Variants in CSMD3 observed in about 807,000 individuals in gnomAD.
CSMD3 encodes CUB and Sushi multiple domains 3.
A neutral mutation model predicts 435.2 loss-of-function variants in CSMD3; 177 were observed. The observed-to-expected ratio is 0.41, with a 90% CI of 0.36 to 0.46. The LOEUF is 0.46. Ranked by LOEUF, CSMD3 falls within the 20% of genes least tolerant of loss-of-function variation. The pLI is 0.34. For synonymous variants in CSMD3, 1,656 were observed against 1,520.5 expected, an observed-to-expected ratio of 1.09 and a Z score of -2.07; for missense variants, 4,265 against 4,504.6, an observed-to-expected ratio of 0.95 and a Z score of 1.52.
At chr8:112,642,453 C>A (rs528917324) in intron 20 of CSMD3, among the ~76,000 whole-genome samples, 2 of 152,040 alleles carry the variant, frequency 1.3e-5, no homozygotes, top group Non-Finnish European at 2.9e-5. Context: ...TGTTCAAACA[C>A]CTTGACTTAA....
rs10098653 is a variant in CSMD3 at position 112,412,213 on chromosome 8, T to A, written c.5396-3181A>T. Among the ~76,000 whole-genome samples, 717 of 152,124 alleles carry A rather than the reference T, an allele frequency of 4.7e-3. 6 individuals carry two copies. The highest frequency in any genetic ancestry group is 0.017 in the African/African-American group (697 of 41,516). ...AATATCCTTTATATTTATATGAGAG[T>A]CATAATTATGCTCTTTTTAAAAATT... On this transcript the variant is annotated intron_variant, in intron 32 of 70. Transcript: ENST00000297405.
At chr8:113,151,009 A>T (rs549069655) in intron 4 of CSMD3, among the ~76,000 whole-genome samples, 1 of 152,134 alleles carries the variant, frequency 6.6e-6, no homozygotes, top group Non-Finnish European at 1.5e-5. Flanking sequence ...TAGCACATAA[A>T]AATTAAAAGA....
Position 112,859,185 on chromosome 8 carries a change from G to T in CSMD3, c.1715C>A (p.Ala572Glu). 1 of 1,610,736 alleles carries T rather than the reference G, an allele frequency of 6.2e-7. No homozygotes were observed. The highest frequency in any genetic ancestry group is 8.5e-7 in the Non-Finnish European group (1 of 1,177,338). The change falls in exon 11 of 71, where the codon GCA (alanine) becomes GAA (glutamate). Residue 572 changes from alanine to glutamate, a missense_variant. Physicochemically the swap from Ala to Glu is moderately radical, Grantham distance 107. Coordinates refer to ENST00000297405, the MANE Select transcript of CSMD3 (RefSeq NM_198123.2). ...TGCTGTGATGACCCAGACACATTGTGCATTGCTGTCATACTGGAACGGAAA... is the reference window on the plus strand; with the variant it reads ...TGCTGTGATGACCCAGACACATTGTTCATTGCTGTCATACTGGAACGGAAA... Reference protein sequence around the residue: ...PNFPFQYDSNAQCVWVITAVN... With the variant: ...PNFPFQYDSNEQCVWVITAVN...
At chr8:113,151,496 A>T (rs1399686409) in intron 4 of CSMD3, among the ~76,000 whole-genome samples, 1 of 151,944 alleles carries the variant, frequency 6.6e-6, no homozygotes, top group African/African-American at 2.4e-5. Flanking sequence ...AAACAATAGG[A>T]ATGACAAGAA....
At chr8:112,513,428 G>T (rs1823336583) in intron 28 of CSMD3, among the ~76,000 whole-genome samples, 1 of 152,144 alleles carries the variant, frequency 6.6e-6, no homozygotes, top group Admixed American at 6.5e-5. Flanking sequence ...CAGTCAGTTA[G>T]GGGAGCACTC....
chr8:113,289,544 CAGAGAGAGACAGAG>C (rs2093670289), intron 2 of CSMD3, among the ~76,000 whole-genome samples: 1 of 73,994 alleles, frequency 1.4e-5, no homozygotes, highest in Non-Finnish European at 2.8e-5. Context: ...AGAAGACAGA[CAGAGAGAGACAGAG>C]AGAGAGAGAG....
chr8:112,511,773 T>C (rs892022487), intron 28 of CSMD3, among the ~76,000 whole-genome samples: 2 of 152,132 alleles, frequency 1.3e-5, no homozygotes, highest in African/African-American at 4.8e-5. Flanking sequence ...TTGATTGCAT[T>C]TACCCACAGT....
At chr8:113,108,534 C>T (rs1370264050) in intron 4 of CSMD3, among the ~76,000 whole-genome samples, 1 of 152,006 alleles carries the variant, frequency 6.6e-6, no homozygotes, top group Non-Finnish European at 1.5e-5. Context: ...ATTCTCCATC[C>T]TTAATTTCAA....
intron 13 of CSMD3, among the ~76,000 whole-genome samples, chr8:112,758,942 C>A (rs573840818): frequency 6.6e-6 from 1 of 152,106 alleles, no homozygotes; most frequent in East Asian, 1.9e-4. Flanking sequence ...TGTGTTGAGG[C>A]AGGATTATAT....
chr8:113,426,237 T>A (rs564925094), intron 1 of CSMD3, among the ~76,000 whole-genome samples: 1 of 151,574 alleles, frequency 6.6e-6, no homozygotes, highest in Non-Finnish European at 1.5e-5. Flanking sequence ...ATACTTCTGA[T>A]AATGGATTCA....
intron 22 of CSMD3, among the ~76,000 whole-genome samples, chr8:112,603,905 C>CA (rs1488603879): frequency 1.3e-5 from 2 of 151,928 alleles, no homozygotes; most frequent in African/African-American, 2.4e-5. Flanking sequence ...TGGTAACAAA[C>CA]AAAAATCAAA....
rs148588811 is a variant in CSMD3 at position 113,367,356 on chromosome 8, TC to T, written c.179-52564del. Among the ~76,000 whole-genome samples, 1,364 of 152,042 alleles carry T rather than the reference TC, an allele frequency of 9.0e-3. 14 individuals are homozygous for T. The highest frequency in any genetic ancestry group is 0.032 in the African/African-American group (1,313 of 41,524). On this transcript the variant is annotated intron_variant, in intron 1 of 70. Coordinates refer to ENST00000297405, the MANE Select transcript of CSMD3 (RefSeq NM_198123.2). ...CCTATTATGAAGAAAGTAAAATAAA[TC>T]CCCATCAGAATTTTGCCAAATTTAC...
intron 7 of CSMD3, among the ~76,000 whole-genome samples, chr8:112,965,361 T>C (rs2084378513): frequency 6.6e-6 from 1 of 151,934 alleles, no homozygotes. Context: ...ATTATTATCT[T>C]TCCTTATTTA....
At chr8:112,829,919 ACACACAC>A in intron 11 of CSMD3, 130 bp from the exon 12 acceptor site, 1 of 447,324 alleles carries the variant, frequency 2.2e-6, no homozygotes, top group Non-Finnish European at 4.1e-6. Flanking sequence ...ACACACACAC[ACACACAC>A]AAGCAGTTCA....
chr8:112,613,457 TAAAC>T (rs954146895), intron 22 of CSMD3, among the ~76,000 whole-genome samples: 3 of 152,150 alleles, frequency 2.0e-5, no homozygotes, highest in African/African-American at 7.2e-5. Context: ...TTACTTTACA[TAAAC>T]AGTTTCAATT....
chr8:113,231,911 G>A (rs554763659), intron 3 of CSMD3, among the ~76,000 whole-genome samples: 1 of 151,498 alleles, frequency 6.6e-6, no homozygotes, highest in Non-Finnish European at 1.5e-5. Context: ...TTACAAATAT[G>A]CATTTTAAGA....
chr8:112,511,585 T>C (rs965137499), intron 28 of CSMD3, among the ~76,000 whole-genome samples: 3 of 151,798 alleles, frequency 2.0e-5, no homozygotes, highest in Admixed American at 1.3e-4. Flanking sequence ...AGAGACGGGG[T>C]TTCACCGTGT....
chr8:113,063,249 C>A (rs974407299), intron 5 of CSMD3, among the ~76,000 whole-genome samples: 1 of 151,412 alleles, frequency 6.6e-6, no homozygotes, highest in African/African-American at 2.4e-5. Context: ...TACCTGATGC[C>A]TTTTAAGTTT....
intron 32 of CSMD3, among the ~76,000 whole-genome samples, chr8:112,411,659 A>G (rs1004944676): frequency 6.6e-6 from 1 of 152,068 alleles, no homozygotes; most frequent in African/African-American, 2.4e-5. Context: ...AAACTGATAT[A>G]TTATAATAAT....
Sources: gnomAD v4.1 joint callset for allele counts (sites outside exome capture counted in the v4.1 genomes callset) on GRCh38, gnomAD v4.1.1 for gene constraint, MANE v1.5 for transcripts, NCBI Gene and HGNC (gene_info 2026-07-23, HGNC 2026-07-21) for gene names.